Variants in PRMT3 observed in about 807,000 individuals in gnomAD.
PRMT3 encodes the protein protein arginine methyltransferase 3, also known as protein arginine N-methyltransferase 3.
Under a neutral mutation model 71.9 loss-of-function variants are expected in PRMT3, and 62 were observed. The ratio of observed to expected loss-of-function variants is 0.86; its 90% confidence interval spans 0.70 to 1.07. The LOEUF (loss-of-function observed/expected upper bound fraction) is 1.07, where lower values mean the gene tolerates loss of function less well. Ranked by LOEUF, PRMT3 falls within the 50% of genes least tolerant of loss-of-function variation. PRMT3 has a pLI of 0.00. For synonymous variants in PRMT3, 213 were observed against 220.4 expected, an observed-to-expected ratio of 0.97 and a Z score of 0.30; for missense variants, 663 against 643.0, an observed-to-expected ratio of 1.03 and a Z score of -0.34.
chr11:20,388,719 T>A (rs948618219), intron 2 of PRMT3, among the ~76,000 whole-genome samples: 1 of 152,240 alleles, frequency 6.6e-6, no homozygotes, highest in African/African-American at 2.4e-5. Context: ...GTAGGACTTT[T>A]CACTTAAGGA....
chr11:20,430,362 G>A (rs778339596), intron 10 of PRMT3, among the ~76,000 whole-genome samples: 2 of 152,090 alleles, frequency 1.3e-5, no homozygotes, highest in African/African-American at 4.8e-5. Context: ...TTCTTCTACT[G>A]TGGTCCACTA....
intron 9 of PRMT3, among the ~76,000 whole-genome samples, chr11:20,412,367 ACAAAACTGTTGAACAG>A (rs1454278730): frequency 6.0e-5 from 9 of 149,434 alleles, no homozygotes; most frequent in Admixed American, 2.7e-4. Context: ...AAATCTGTTC[ACAAAACTGTTGAACAG>A]CTATGTAGTC....
Position 20,494,115 on chromosome 11 carries a change from GATA to G in PRMT3, c.1399-51_1399-49del. On this transcript the variant is annotated intron_variant, in intron 14 of 15. Transcript: ENST00000331079. Reference sequence around the variant, plus strand: ...TTGATGTCGTAGATTAATGTACCATGATATTAAAAATCTTGTACTTCATCAAAT... The same window carrying G: ...TTGATGTCGTAGATTAATGTACCATGTTAAAAATCTTGTACTTCATCAAAT... The G allele has an allele frequency of 2.0e-6, 3 of 1,512,882 alleles. No homozygotes were observed. The Admixed American group carries it at 5.1e-5, about 26-fold the overall frequency. The allele number at this position is 1,512,882 out of a possible 1,614,324, so 93.7% of individuals were successfully genotyped here.
At chr11:20,466,829 T>G (rs1850524917) in intron 13 of PRMT3, among the ~76,000 whole-genome samples, 2 of 152,234 alleles carry the variant, frequency 1.3e-5, no homozygotes, top group Admixed American at 1.3e-4. Flanking sequence ...ATTGAACTTT[T>G]AATATTGAAG....
intron 13 of PRMT3, among the ~76,000 whole-genome samples, chr11:20,470,285 A>C (rs1332266429): frequency 6.6e-6 from 1 of 152,140 alleles, no homozygotes; most frequent in East Asian, 1.9e-4. Flanking sequence ...CAGGATGTGC[A>C]GGTTTGTTCC....
chr11:20,448,386 A>G (rs533197683), intron 10 of PRMT3, among the ~76,000 whole-genome samples: 180 of 152,278 alleles, frequency 1.2e-3, no homozygotes, highest in African/African-American at 4.1e-3. Flanking sequence ...TGAGAGTAAT[A>G]CTGGTAAAAA....
chr11:20,433,978 C>A (rs886244500), intron 10 of PRMT3, among the ~76,000 whole-genome samples: 1 of 152,120 alleles, frequency 6.6e-6, no homozygotes, highest in African/African-American at 2.4e-5. Context: ...CAATGTTTGA[C>A]CTAATTGACA....
At chr11:20,497,297 T>C (rs1851355600) in intron 15 of PRMT3, among the ~76,000 whole-genome samples, 1 of 152,194 alleles carries the variant, frequency 6.6e-6, no homozygotes, top group Non-Finnish European at 1.5e-5. Flanking sequence ...TAGAATATCG[T>C]GAAGGAGGTG....
At chr11:20,453,640 T>A (rs911426317) in intron 11 of PRMT3, among the ~76,000 whole-genome samples, 1 of 152,182 alleles carries the variant, frequency 6.6e-6, no homozygotes, top group East Asian at 1.9e-4. Context: ...CAAGATATGT[T>A]CCCAATCTCT....
intron 9 of PRMT3, among the ~76,000 whole-genome samples, chr11:20,415,017 G>GGTGT (rs377570784): frequency 0.16 from 21,644 of 135,130 alleles, 1,727 homozygotes; most frequent in African/African-American, 0.21. Context: ...TGGTGGTAGT[G>GGTGT]GTGTGTGTGT....
chr11:20,471,155 A>G (rs1249301352), intron 13 of PRMT3, among the ~76,000 whole-genome samples: 1 of 152,106 alleles, frequency 6.6e-6, no homozygotes, highest in Non-Finnish European at 1.5e-5. Flanking sequence ...AAAATCTCCC[A>G]TTCTGTAGGT....
chr11:20,420,408 A>G (rs557072573), intron 9 of PRMT3, among the ~76,000 whole-genome samples: 1 of 152,292 alleles, frequency 6.6e-6, no homozygotes, highest in Admixed American at 6.5e-5. Flanking sequence ...CCCAATCCCC[A>G]GGCTGCGGAT....
intron 10 of PRMT3, among the ~76,000 whole-genome samples, chr11:20,429,929 T>TTCTTGGTTAGGGAC (rs1849621161): frequency 6.6e-6 from 1 of 152,228 alleles, no homozygotes; most frequent in East Asian, 1.9e-4. Flanking sequence ...AGTCCCTAAC[T>TTCTTGGTTAGGGAC]TTATTTGGTA....
At chr11:20,468,177 T>C (rs1253741873) in intron 13 of PRMT3, among the ~76,000 whole-genome samples, 2 of 152,174 alleles carry the variant, frequency 1.3e-5, no homozygotes, top group Non-Finnish European at 2.9e-5. Flanking sequence ...ATTGGGCTTT[T>C]TTAGATAGAG....
chr11:20,400,766 A>G (rs1399813841), intron 7 of PRMT3, among the ~76,000 whole-genome samples: 1 of 151,978 alleles, frequency 6.6e-6, no homozygotes, highest in Non-Finnish European at 1.5e-5. Context: ...ATACTTTACT[A>G]GTCTTAAAAT....
chr11:20,449,050 T>C (rs193065196), intron 10 of PRMT3, among the ~76,000 whole-genome samples: 92 of 152,228 alleles, frequency 6.0e-4, no homozygotes, highest in Admixed American at 5.0e-3. Context: ...TTCCCAGGAA[T>C]TTAAAGGCTG....
intron 7 of PRMT3, among the ~76,000 whole-genome samples, chr11:20,401,175 GA>G (rs1848940350): frequency 6.6e-6 from 1 of 152,088 alleles, no homozygotes; most frequent in Non-Finnish European, 1.5e-5. Flanking sequence ...GAATTCTTTT[GA>G]TTAAGGGGAA....
At chr11:20,480,820 T>G (rs7936067) in intron 13 of PRMT3, among the ~76,000 whole-genome samples, 113 of 152,220 alleles carry the variant, frequency 7.4e-4, no homozygotes, top group Non-Finnish European at 1.3e-3. Context: ...GTTTCTTACA[T>G]GTACAATTTG....
At chr11:20,484,920 GA>G (rs1170047522) in intron 13 of PRMT3, among the ~76,000 whole-genome samples, 34 of 152,324 alleles carry the variant, frequency 2.2e-4, no homozygotes, top group African/African-American at 7.9e-4. Flanking sequence ...AAGGTAATCT[GA>G]AAAATGAGAC....
Sources: gnomAD v4.1 joint callset for allele counts (sites outside exome capture counted in the v4.1 genomes callset) on GRCh38, gnomAD v4.1.1 for gene constraint, MANE v1.5 for transcripts, NCBI Gene and HGNC (gene_info 2026-07-23, HGNC 2026-07-21) for gene names.